Variants in SLC25A18 observed in about 807,000 individuals in gnomAD.
The protein encoded by SLC25A18 is solute carrier family 25 member 18.
In SLC25A18, 24 loss-of-function variants were observed where a neutral mutation model predicts 31.1. The observed-to-expected ratio is 0.77, with a 90% CI of 0.56 to 1.08. SLC25A18 has a LOEUF of 1.08. Among genes scored for constraint, SLC25A18 ranks in the 50% least tolerant of loss-of-function variants. SLC25A18 has a pLI of 0.00. For synonymous variants in SLC25A18, 173 were observed against 161.9 expected, an observed-to-expected ratio of 1.07 and a Z score of -0.52; for missense variants, 371 against 418.5, an observed-to-expected ratio of 0.89 and a Z score of 0.99.
rs1350930101 is a variant in SLC25A18, at chr22:17,590,297, T to C, written c.*61T>C. 1 of 1,606,380 alleles carries C rather than the reference T, an allele frequency of 6.2e-7. No homozygotes were observed. The highest frequency in any genetic ancestry group is 2.2e-5 in the East Asian group (1 of 44,770). On this transcript the variant is annotated 3_prime_UTR_variant, in exon 11 of 11. Coordinates refer to ENST00000327451, the MANE Select transcript of SLC25A18 (RefSeq NM_031481.3). ...CTCTCTCTAGCTGTTTCACTTAGCC[T>C]AGAGGGGGCAAGGGCAGGTGGGGCC...
chr22:17,590,089 C>G lies in SLC25A18; in HGVS notation c.807-6C>G. ...CATCAGCTCACTGGCTCTTCTTTCT[C>G]CCCAGGAAACTCTGGATTCAGGAGG... On this transcript the variant is annotated splice_polypyrimidine_tract_variant and splice_region_variant and intron_variant, in intron 10 of 10. Transcript: ENST00000327451. 6.2e-7 allele frequency: 1 copy of G among 1,613,902 alleles called. No individual in the cohort carries two copies.
rs560575416 is a variant in SLC25A18 at position 17,569,076 on chromosome 22, C to T, written c.-263-848C>T. ...CAGGCTGGAGGGCAGTGGCGCGATC[C>T]CAGGTCACTGCAAGCTCCGCCTCCT... On this transcript the variant is annotated intron_variant, in intron 1 of 10. Transcript: ENST00000327451. 2.5e-3 allele frequency among the ~76,000 whole-genome samples: 381 copies of T among 150,516 alleles called. 1 individual carries two copies. The highest frequency in any genetic ancestry group is 8.4e-3 in the African/African-American group (345 of 40,990).
chr22:17,587,957 T>C lies in SLC25A18; in HGVS notation c.608T>C (p.Leu203Pro). The change falls in exon 9 of 11, where the codon CTG becomes CCG. Residue 203 changes from leucine (L) to proline (P), a missense_variant. Coordinates refer to ENST00000327451, the MANE Select transcript of SLC25A18 (RefSeq NM_031481.3). ...DIPFSIIYFP[L>P]FANLNNLGFN... ...CCTTTCTCCATCATCTACTTCCCAC[T>C]GTTTGCCAACCTTAACAACCTGGGG... 1 of 1,614,220 alleles carries C rather than the reference T, an allele frequency of 6.2e-7. No homozygotes were observed. The highest frequency in any genetic ancestry group is 8.5e-7 in the Non-Finnish European group (1 of 1,180,038).
intron 7 of SLC25A18, among the ~76,000 whole-genome samples, chr22:17,584,626 A>G (rs575977395): frequency 6.6e-6 from 1 of 150,464 alleles, no homozygotes; most frequent in South Asian, 2.1e-4. Context: ...CTAAAAATAC[A>G]AAAATTAGCC....
chr22:17,585,790 A>G (rs1218571149), intron 7 of SLC25A18, among the ~76,000 whole-genome samples: 2 of 151,716 alleles, frequency 1.3e-5, no homozygotes, highest in Non-Finnish European at 2.9e-5. Flanking sequence ...CTGGGATTAC[A>G]AGCATGCACT....
At chr22:17,580,727 G>T (rs1471015330) in intron 3 of SLC25A18, 14 of 1,120,200 alleles carry the variant, frequency 1.2e-5, no homozygotes, top group African/African-American at 1.6e-5. Context: ...GCCAGAGGAC[G>T]GGCCGGGGAA....
chr22:17,572,110 C>G (rs2057104296), intron 2 of SLC25A18, among the ~76,000 whole-genome samples: 1 of 151,848 alleles, frequency 6.6e-6, no homozygotes, highest in Non-Finnish European at 1.5e-5. Context: ...TCACTGGAAC[C>G]TGGGAGGCAG....
At chr22:17,580,727 G>C in intron 3 of SLC25A18, 5 of 1,120,318 alleles carry the variant, frequency 4.5e-6, no homozygotes, top group Non-Finnish European at 5.5e-6. Context: ...GCCAGAGGAC[G>C]GGCCGGGGAA....
rs756356800 is a variant in SLC25A18, at chr22:17,582,664, G to C, written c.290+11G>C. 1 of 1,591,982 alleles carries C rather than the reference G, an allele frequency of 6.3e-7. No individual in the cohort carries two copies. Among genetic ancestry groups the C allele is most frequent in the African/African-American group, 1.3e-5 (1 of 74,754 alleles). ...GCTCATGGAAGATGGGTATGGCCAG[G>C]TGGGGTGGGGTTGGATCCTTCACTG... On this transcript the variant is annotated intron_variant, in intron 6 of 10. Coordinates refer to ENST00000327451, the MANE Select transcript of SLC25A18 (RefSeq NM_031481.3).
At chr22:17,578,423 T>C (rs2057287841) in intron 2 of SLC25A18, among the ~76,000 whole-genome samples, 1 of 152,224 alleles carries the variant, frequency 6.6e-6, no homozygotes, top group Non-Finnish European at 1.5e-5. Context: ...TCCTCTCTTT[T>C]CTTACCCAAA....
At chr22:17,583,586 C>A (rs917164327) in intron 7 of SLC25A18, 52 bp downstream of exon 7, 37 of 1,586,044 alleles carry the variant, frequency 2.3e-5, no homozygotes, top group Middle Eastern at 1.7e-4. Flanking sequence ...GGGATTGGAA[C>A]CAGGCACATC....
intron 3 of SLC25A18, chr22:17,580,204 C>G (rs910962873): frequency 1.4e-5 from 6 of 425,684 alleles, no homozygotes; most frequent in Admixed American, 8.6e-5. Context: ...TCTCTAACTA[C>G]AAAATTAAGT....
chr22:17,565,991 C>T (rs1251930002), intron 1 of SLC25A18, among the ~76,000 whole-genome samples: 1 of 152,170 alleles, frequency 6.6e-6, no homozygotes, highest in Non-Finnish European at 1.5e-5. Context: ...CCGCACCTGG[C>T]CTCTGTGTTT....
Position 17,590,331 on chromosome 22 carries a change from C to G in SLC25A18, c.*95C>G. The G allele has an allele frequency of 6.7e-7, 1 of 1,491,096 alleles. No homozygotes were observed. Among genetic ancestry groups the G allele is most frequent in the Non-Finnish European group, 9.2e-7 (1 of 1,090,394 alleles). 92.4% of individuals were successfully genotyped at this position (1,491,096 alleles called of 1,614,324 possible). On this transcript the variant is annotated 3_prime_UTR_variant, in exon 11 of 11. Coordinates refer to ENST00000327451, the MANE Select transcript of SLC25A18 (RefSeq NM_031481.3). The stretch of plus-strand genomic sequence containing the variant: ...CAAGGGCAGGTGGGGCCACTCTGGC[C>G]TGCCTGGTCCTCTGCGTTGTAGTGC...
intron 2 of SLC25A18, 154 bp downstream of exon 2, chr22:17,570,140 G>A: frequency 5.3e-6 from 2 of 379,938 alleles, no homozygotes; most frequent in Non-Finnish European, 7.2e-6. Context: ...GCACGAGGAA[G>A]TGGCCGCCCC....
At chr22:17,589,995 C>G (rs903696648) in intron 10 of SLC25A18, 100 bp from the exon 11 acceptor site, 44 of 1,501,724 alleles carry the variant, frequency 2.9e-5, no homozygotes, top group Non-Finnish European at 3.9e-5. Context: ...GTGGAAGGCA[C>G]TATTCTAAAA....
At chr22:17,581,795 C>T (rs2057382166) in intron 5 of SLC25A18, 1 of 211,788 alleles carries the variant, frequency 4.7e-6, no homozygotes, top group South Asian at 1.1e-4. Flanking sequence ...CTGCGGGGTC[C>T]CCAGCCAGGA....
In SLC25A18 at chr22:17,581,411, G is replaced by T. The variant is rs747077686; in HGVS notation, c.197G>T (p.Arg66Leu). The T allele has an allele frequency of 1.2e-6, 2 of 1,614,044 alleles. No homozygotes were observed. Among genetic ancestry groups the T allele is most frequent in the Non-Finnish European group, 1.7e-6 (2 of 1,179,994 alleles). ...GCGGAGGGCTTCTTCGGCATGTACCGAGGTGGGCTTCTCAGGTCCCCTGGG... is the reference window on the plus strand; with the variant it reads ...GCGGAGGGCTTCTTCGGCATGTACCTAGGTGGGCTTCTCAGGTCCCCTGGG... ...ARAEGFFGMY[R>L]GAAVNLTLVT... Residue 66 changes from arginine (R) to leucine (L), a missense_variant and splice_region_variant, in exon 5 of 11, where the codon CGA becomes CTA. Physicochemically the swap from Arg to Leu is moderately radical, Grantham distance 102 (BLOSUM62 -2). Coordinates refer to ENST00000327451, the MANE Select transcript of SLC25A18 (RefSeq NM_031481.3).
At chr22:17,580,667 T>G in intron 3 of SLC25A18, 1 of 1,023,968 alleles carries the variant, frequency 9.8e-7, no homozygotes, top group Non-Finnish European at 1.2e-6. Context: ...TGCCTGACCT[T>G]CAGTCCGTTT....
Sources: allele counts gnomAD v4.1 joint callset (sites outside exome capture counted in the v4.1 genomes callset), GRCh38; gene constraint gnomAD v4.1.1; transcripts MANE v1.5; gene names NCBI Gene and HGNC (gene_info 2026-07-23, HGNC 2026-07-21).